Variants in FBN2 observed in about 807,000 individuals in gnomAD.
The protein encoded by FBN2 is fibrillin-2.
In FBN2, 105 loss-of-function variants were observed where a neutral mutation model predicts 355.6. That is an observed-to-expected ratio of 0.30 (90% CI 0.25 to 0.35). FBN2 has a LOEUF of 0.35. Among genes scored for constraint, FBN2 ranks in the 10% least tolerant of loss-of-function variants. The pLI is 1.00. For synonymous variants in FBN2, 1,350 were observed against 1,301.2 expected (o/e 1.04, Z -0.81); for missense variants, 3,280 against 3,758.7 (o/e 0.87, Z 3.33).
intron 25 of FBN2, among the ~76,000 whole-genome samples, chr5:128,340,419 A>G (rs1270142982): frequency 6.6e-6 from 1 of 152,180 alleles, no homozygotes; most frequent in African/African-American, 2.4e-5. Flanking sequence ...AAAAATGTAA[A>G]TACTTTCTTT....
chr5:128,261,845 T>C lies in FBN2; in HGVS notation c.8255A>G (p.Asp2752Gly). The stretch of plus-strand genomic sequence containing the variant: ...TTCTGGGGACAGAGCATTTTCCTCA[T>C]CGACCTCTGTATCCAGTGACAGGTA... Reference protein sequence around the residue: ...GQYLSLDTEVDEENALSPEAC... With the variant: ...GQYLSLDTEVGEENALSPEAC... Residue 2752 changes from aspartate (D) to glycine (G), a missense_variant, in exon 64 of 65, where the codon GAT (aspartate) becomes GGT (glycine). By Grantham distance (94) the Asp-to-Gly change is moderately conservative (BLOSUM62 -1). Transcript: ENST00000262464. The C allele has an allele frequency of 1.2e-6, 2 of 1,614,080 alleles. No individual in the cohort carries two copies. The highest frequency in any genetic ancestry group is 1.7e-6 in the Non-Finnish European group (2 of 1,179,898).
At chr5:128,482,465 A>G (rs554874194) in intron 5 of FBN2, among the ~76,000 whole-genome samples, 11 of 152,230 alleles carry the variant, frequency 7.2e-5, no homozygotes, top group African/African-American at 2.4e-4. Flanking sequence ...TTTTAGTTCA[A>G]TGAGGCAGAT....
intron 2 of FBN2, among the ~76,000 whole-genome samples, chr5:128,531,684 ATATG>A (rs1292077978): frequency 1.3e-5 from 2 of 150,056 alleles, no homozygotes; most frequent in East Asian, 1.9e-4. Flanking sequence ...GTGTGTATAT[ATATG>A]TATGTATATA....
At chr5:128,339,833 G>C (rs904899335) in intron 25 of FBN2, among the ~76,000 whole-genome samples, 1 of 152,136 alleles carries the variant, frequency 6.6e-6, no homozygotes, top group Non-Finnish European at 1.5e-5. Flanking sequence ...AGGCAGCCAC[G>C]ACGGACCAAC....
intron 6 of FBN2, among the ~76,000 whole-genome samples, chr5:128,453,440 ATAACTG>A (rs1379974194): frequency 6.6e-6 from 1 of 152,200 alleles, no homozygotes; most frequent in Admixed American, 6.5e-5. Flanking sequence ...CAGAAACTTT[ATAACTG>A]GCTTCTTGGC....
At chr5:128,452,032 T>G (rs1435925499) in intron 6 of FBN2, among the ~76,000 whole-genome samples, 2 of 152,176 alleles carry the variant, frequency 1.3e-5, no homozygotes, top group Non-Finnish European at 2.9e-5. Flanking sequence ...TTTCTTTTAG[T>G]TAGATCAAGT....
intron 26 of FBN2, 44 bp downstream of exon 26, chr5:128,338,889 C>T (rs768952575): frequency 1.9e-6 from 3 of 1,608,148 alleles, no homozygotes; most frequent in Non-Finnish European, 2.6e-6. Flanking sequence ...TGAGTCTGTG[C>T]TAGTATGGTT....
chr5:128,381,352 T>G (rs1752231274), intron 11 of FBN2, among the ~76,000 whole-genome samples: 1 of 152,090 alleles, frequency 6.6e-6, no homozygotes, highest in Admixed American at 6.6e-5. Context: ...GATCCTTTAA[T>G]AAATCTATTG....
intron 7 of FBN2, among the ~76,000 whole-genome samples, chr5:128,444,004 T>C (rs1288423073): frequency 6.6e-6 from 1 of 151,536 alleles, no homozygotes; most frequent in Non-Finnish European, 1.5e-5. Context: ...CCAGATATAT[T>C]ATACTACTGA....
chr5:128,514,719 T>C (rs1326335164), intron 5 of FBN2, among the ~76,000 whole-genome samples: 2 of 152,202 alleles, frequency 1.3e-5, no homozygotes, highest in Non-Finnish European at 2.9e-5. Context: ...CAACGTGCAG[T>C]GTACGTTATA....
intron 2 of FBN2, among the ~76,000 whole-genome samples, chr5:128,534,539 TATAA>T (rs947278071): frequency 3.0e-4 from 46 of 152,378 alleles, no homozygotes; most frequent in African/African-American, 9.4e-4. Context: ...ACACAAGTGT[TATAA>T]ATGTTTCTTA....
intron 2 of FBN2, among the ~76,000 whole-genome samples, chr5:128,533,000 A>T (rs1756747218): frequency 6.6e-6 from 1 of 152,234 alleles, no homozygotes; most frequent in Non-Finnish European, 1.5e-5. Context: ...TGATCATGCC[A>T]CTGCATTCCA....
intron 6 of FBN2, among the ~76,000 whole-genome samples, chr5:128,459,331 C>G (rs1158846558): frequency 6.6e-6 from 1 of 151,994 alleles, no homozygotes; most frequent in Admixed American, 6.6e-5. Context: ...CCAAAAAAAC[C>G]TCAGGACCAG....
chr5:128,456,020 A>AAAAAAAAAAAAAAC, intron 6 of FBN2, among the ~76,000 whole-genome samples: 1 of 148,590 alleles, frequency 6.7e-6, no homozygotes, highest in Non-Finnish European at 1.5e-5. Flanking sequence ...AAAAAAAAAA[A>AAAAAAAAAAAAAAC]AAAGCAACTG....
At chr5:128,355,206 G>A (rs1331173831) in intron 20 of FBN2, among the ~76,000 whole-genome samples, 2 of 152,168 alleles carry the variant, frequency 1.3e-5, no homozygotes, top group Non-Finnish European at 2.9e-5. Context: ...TGAGGAATGA[G>A]AATAGACCAT....
chr5:128,291,521 A>G lies in FBN2; in HGVS notation c.6292+8T>C. ...GAACTGTGACAGTGAAGTCATGCCA[A>G]ATCTTACCAAAGCATCTCCGTCCAT... On this transcript the variant is annotated splice_region_variant and intron_variant, in intron 49 of 64. Coordinates refer to ENST00000262464, the MANE Select transcript of FBN2 (RefSeq NM_001999.4). The G allele has an allele frequency of 6.2e-7, 1 of 1,613,864 alleles. No individual in the cohort carries two copies. Among genetic ancestry groups the G allele is most frequent in the South Asian group, 1.1e-5 (1 of 91,064 alleles).
chr5:128,300,682 G>C, intron 48 of FBN2, 135 bp downstream of exon 48: 1 of 892,382 alleles, frequency 1.1e-6, no homozygotes, highest in South Asian at 1.4e-5. Flanking sequence ...CAGTAAAACA[G>C]ATGTAGGCAG....
At position 128,305,646 on chromosome 5, in the gene FBN2, C is replaced by T; in HGVS notation, c.5549-10G>A. 6.2e-7 allele frequency: 1 copy of T among 1,613,894 alleles called. No homozygotes were observed. The highest frequency in any genetic ancestry group is 1.3e-5 in the African/African-American group (1 of 75,032). ...CTGCACTCATCTATATCTGAAAGAG[C>T]AACAATTCCATTTTAAAGAGTCCTT... On this transcript the variant is annotated splice_polypyrimidine_tract_variant and intron_variant, in intron 43 of 64. Transcript: ENST00000262464.
At chr5:128,349,922 T>C (rs746943326) in intron 22 of FBN2, 33 bp downstream of exon 22, 1 of 1,534,758 alleles carries the variant, frequency 6.5e-7, no homozygotes, top group South Asian at 1.1e-5. Context: ...GCTCAAAAGA[T>C]GTATAGTATC....
Sources: allele counts gnomAD v4.1 joint callset (sites outside exome capture counted in the v4.1 genomes callset), GRCh38; gene constraint gnomAD v4.1.1; transcripts MANE v1.5; gene names NCBI Gene and HGNC (gene_info 2026-07-23, HGNC 2026-07-21).